Variants in PACSIN1 observed in about 807,000 individuals in gnomAD.
The protein encoded by PACSIN1 is protein kinase C and casein kinase substrate in neurons protein 1.
PACSIN1 carries 15 observed loss-of-function variants against 59.5 expected under a neutral mutation model. The ratio of observed to expected loss-of-function variants is 0.25; its 90% CI spans 0.17 to 0.39. The LOEUF (loss-of-function observed/expected upper bound fraction) is 0.39, where lower values mean the gene tolerates loss of function less well. PACSIN1 is among the 10% of genes least tolerant of loss of function. The pLI is 1.00. For missense variants in PACSIN1, 420 were observed against 580.2 expected, an observed-to-expected ratio of 0.72 and a Z score of 2.84; for synonymous variants, 210 against 220.6, an observed-to-expected ratio of 0.95 and a Z score of 0.42.
At chr6:34,468,736 C>T (rs2113830225) in intron 1 of PACSIN1, among the ~76,000 whole-genome samples, 1 of 152,328 alleles carries the variant, frequency 6.6e-6, no homozygotes, top group African/African-American at 2.4e-5. Flanking sequence ...GAACCCCACC[C>T]ATGATCCCCT....
At chr6:34,506,807 C>T (rs974129867) in intron 1 of PACSIN1, among the ~76,000 whole-genome samples, 1 of 152,158 alleles carries the variant, frequency 6.6e-6, no homozygotes, top group Non-Finnish European at 1.5e-5. Flanking sequence ...CCTGATTACT[C>T]TTGGGTGGGG....
rs1031971964 is a variant in PACSIN1, at chr6:34,516,858, C to A, written c.-63-9385C>A. ...TTGAGACTTGACCTCCCCTGGCAGA[C>A]CTTCTCATGTGAAAGGGAGCTTGAG... On this transcript the variant is annotated intron_variant, in intron 1 of 9. Transcript: ENST00000244458. The surrounding 1 kb of genome is among the most constrained non-coding windows in gnomAD (Gnocchi z 5.4). Among the ~76,000 whole-genome samples, 1 of 152,140 alleles carries A rather than the reference C, an allele frequency of 6.6e-6. No homozygotes were observed. Among genetic ancestry groups the A allele is most frequent in the Non-Finnish European group, 1.5e-5 (1 of 68,018 alleles).
intron 1 of PACSIN1, among the ~76,000 whole-genome samples, chr6:34,519,878 G>C (rs1767357860): frequency 6.6e-6 from 1 of 152,124 alleles, no homozygotes; most frequent in Non-Finnish European, 1.5e-5. Flanking sequence ...GTTAGCTATT[G>C]TGCTAATCAG....
chr6:34,485,520 T>G (rs905162573), intron 1 of PACSIN1, among the ~76,000 whole-genome samples: 5 of 152,088 alleles, frequency 3.3e-5, no homozygotes, highest in Admixed American at 6.5e-5. Context: ...AACAGTGGTG[T>G]TGTGTCCTGA....
At chr6:34,467,009 C>T (rs1385448502) in intron 1 of PACSIN1, among the ~76,000 whole-genome samples, 8 of 152,200 alleles carry the variant, frequency 5.3e-5, no homozygotes, top group Non-Finnish European at 1.0e-4. Flanking sequence ...CAAGCCCCAG[C>T]TGCCCCTACC....
At chr6:34,491,534 C>T (rs747142146) in intron 1 of PACSIN1, among the ~76,000 whole-genome samples, 13 of 151,982 alleles carry the variant, frequency 8.6e-5, no homozygotes, top group Non-Finnish European at 1.3e-4. Context: ...AGGGTCGCTG[C>T]TGGGAAGTGC....
chr6:34,526,482 C>T (rs991479927), intron 2 of PACSIN1, 114 bp downstream of exon 2: 2 of 785,190 alleles, frequency 2.5e-6, no homozygotes, highest in African/African-American at 3.5e-5. Flanking sequence ...TCCCCCAGGC[C>T]CCTCCAAAGC....
intron 1 of PACSIN1, among the ~76,000 whole-genome samples, chr6:34,519,843 A>C (rs991369636): frequency 6.6e-6 from 1 of 152,140 alleles, no homozygotes; most frequent in Non-Finnish European, 1.5e-5. Flanking sequence ...TCATCTGCAG[A>C]TATTCTGTCT....
At chr6:34,503,659 C>T (rs1030696950) in intron 1 of PACSIN1, among the ~76,000 whole-genome samples, 3 of 152,236 alleles carry the variant, frequency 2.0e-5, no homozygotes, top group Non-Finnish European at 4.4e-5. Flanking sequence ...GTGGTTCCAT[C>T]TCCGGAGGGT....
At chr6:34,486,496 C>T (rs904434533) in intron 1 of PACSIN1, among the ~76,000 whole-genome samples, 1 of 152,150 alleles carries the variant, frequency 6.6e-6, no homozygotes, top group Admixed American at 6.5e-5. Context: ...CTGCCCCTCC[C>T]GCTTCCCATT....
At chr6:34,524,342 G>T (rs1478777763) in intron 1 of PACSIN1, among the ~76,000 whole-genome samples, 1 of 152,078 alleles carries the variant, frequency 6.6e-6, no homozygotes, top group African/African-American at 2.4e-5. Flanking sequence ...TACACACGAG[G>T]CACATTAAAA....
intron 1 of PACSIN1, among the ~76,000 whole-genome samples, chr6:34,487,115 G>A (rs538417618): frequency 6.6e-6 from 1 of 152,132 alleles, no homozygotes; most frequent in South Asian, 2.1e-4. Flanking sequence ...AGGCTGCAGT[G>A]AGCTATGATT....
intron 1 of PACSIN1, among the ~76,000 whole-genome samples, chr6:34,498,132 G>C (rs1001119763): frequency 6.6e-6 from 1 of 152,152 alleles, no homozygotes; most frequent in African/African-American, 2.4e-5. Flanking sequence ...CACGATCTCG[G>C]CTCATTGCAA....
chr6:34,477,381 A>G (rs1766653583), intron 1 of PACSIN1, among the ~76,000 whole-genome samples: 3 of 152,070 alleles, frequency 2.0e-5, no homozygotes, highest in Admixed American at 6.6e-5. Context: ...AAAGAGAGAA[A>G]GAAAGAAATC....
chr6:34,515,070 T>C lies in PACSIN1; in HGVS notation c.-63-11173T>C. On this transcript the variant is annotated intron_variant, in intron 1 of 9. Transcript: ENST00000244458. The surrounding 1 kb of genome is among the most constrained non-coding windows in gnomAD (Gnocchi z 4.4). ...AGCTTGGTGCCCACACGGGCCCAGGTAGGCATTTCGATGGCTGGAAGAGGC... is the reference window on the plus strand; with the variant it reads ...AGCTTGGTGCCCACACGGGCCCAGGCAGGCATTTCGATGGCTGGAAGAGGC... 1 of 152,452 alleles carries C rather than the reference T, an allele frequency of 6.6e-6. No individual in the cohort carries two copies. 9.4% of individuals were successfully genotyped at this position (152,452 alleles called of 1,614,324 possible).
chr6:34,489,666 T>C (rs1766846262), intron 1 of PACSIN1, among the ~76,000 whole-genome samples: 1 of 152,164 alleles, frequency 6.6e-6, no homozygotes, highest in East Asian at 1.9e-4. Context: ...GTCCTGTGGA[T>C]CCACTGGACT....
intron 1 of PACSIN1, among the ~76,000 whole-genome samples, chr6:34,512,461 C>T (rs1327507415): frequency 6.6e-6 from 1 of 152,166 alleles, no homozygotes; most frequent in Non-Finnish European, 1.5e-5. Context: ...GGGGGCTCTG[C>T]TTACAGCACC....
intron 1 of PACSIN1, among the ~76,000 whole-genome samples, chr6:34,474,147 C>A (rs1372041881): frequency 6.6e-6 from 1 of 152,166 alleles, no homozygotes; most frequent in Non-Finnish European, 1.5e-5. Flanking sequence ...TTCCTGCAGA[C>A]TGGATTTTGT....
At chr6:34,487,837 G>A (rs912200811) in intron 1 of PACSIN1, among the ~76,000 whole-genome samples, 2 of 152,178 alleles carry the variant, frequency 1.3e-5, no homozygotes, top group Non-Finnish European at 2.9e-5. Flanking sequence ...CCCAACAGCT[G>A]GGGTCAAAAG....
Sources: allele counts gnomAD v4.1 joint callset (sites outside exome capture counted in the v4.1 genomes callset), GRCh38; gene constraint gnomAD v4.1.1; non-coding constraint Gnocchi (gnomAD v3.1); transcripts MANE v1.5; gene names NCBI Gene and HGNC (gene_info 2026-07-23, HGNC 2026-07-21).